Variants in CSMD1 observed in about 807,000 individuals in gnomAD.
The protein encoded by CSMD1 is CUB and sushi domain-containing protein 1.
CSMD1 carries 213 observed loss-of-function variants against 417.5 expected under a neutral mutation model. The ratio of observed to expected loss-of-function variants is 0.51; its 90% confidence interval spans 0.46 to 0.57. The LOEUF (loss-of-function observed/expected upper bound fraction) is 0.57. CSMD1 is among the 20% of genes least tolerant of loss of function. The pLI is 0.00. For missense variants in CSMD1, 6,923 were observed against 4,529.7 expected (o/e 1.53, Z -15.17); for synonymous variants, 2,862 against 1,736.8 (o/e 1.65, Z -16.11).
intron 2 of CSMD1, among the ~76,000 whole-genome samples, chr8:4,600,519 T>A (rs1247465825): frequency 6.6e-6 from 1 of 152,238 alleles, no homozygotes; most frequent in Non-Finnish European, 1.5e-5. Flanking sequence ...TCTGTTTTTG[T>A]ATGAAAATTA....
chr8:3,537,074 G>C (rs1404168893), intron 10 of CSMD1, among the ~76,000 whole-genome samples: 1 of 151,996 alleles, frequency 6.6e-6, no homozygotes, highest in Non-Finnish European at 1.5e-5. Flanking sequence ...CACTATCTCA[G>C]CTCACTGCCA....
At chr8:4,011,001 G>A (rs77646001) in intron 4 of CSMD1, among the ~76,000 whole-genome samples, 7 of 152,146 alleles carry the variant, frequency 4.6e-5, no homozygotes, top group African/African-American at 1.7e-4. Flanking sequence ...CTTTCTGGGG[G>A]ATGACTGTTT....
chr8:4,462,092 C>G (rs1197427477), intron 2 of CSMD1, among the ~76,000 whole-genome samples: 1 of 151,186 alleles, frequency 6.6e-6, no homozygotes, highest in Non-Finnish European at 1.5e-5. Context: ...ACAGGCTGGT[C>G]TCAAACTCCT....
chr8:4,537,452 A>G lies in CSMD1; in HGVS notation c.302+99890T>C, dbSNP rs574606641. Among the ~76,000 whole-genome samples the G allele has an allele frequency of 2.0e-5, 3 of 152,320 alleles. No individual in the cohort carries two copies. The East Asian group carries it at 5.8e-4, about 29-fold the overall frequency. On this transcript the variant is annotated intron_variant, in intron 2 of 69. Coordinates refer to ENST00000635120, the MANE Select transcript of CSMD1 (RefSeq NM_033225.6). ...ATTATTGTTATTGTTATTAAAAGTC[A>G]TATTACTAATTGCTATAAGGCTAAT...
chr8:3,737,762 A>G (rs1162689349), intron 6 of CSMD1, among the ~76,000 whole-genome samples: 2 of 152,214 alleles, frequency 1.3e-5, no homozygotes, highest in African/African-American at 4.8e-5. Context: ...CATTCATTTA[A>G]GCTCCCATGA....
chr8:3,804,648 T>A (rs1435401315), intron 5 of CSMD1, among the ~76,000 whole-genome samples: 1 of 152,098 alleles, frequency 6.6e-6, no homozygotes, highest in African/African-American at 2.4e-5. Context: ...CACACATAAT[T>A]CAAAATAGAA....
intron 49 of CSMD1, among the ~76,000 whole-genome samples, chr8:3,057,961 C>T (rs1396851286): frequency 6.6e-6 from 1 of 152,168 alleles, no homozygotes; most frequent in Non-Finnish European, 1.5e-5. Flanking sequence ...AACTTTCCAC[C>T]GCCTGGCCAG....
intron 3 of CSMD1, among the ~76,000 whole-genome samples, chr8:4,360,963 C>G (rs1475558019): frequency 1.3e-5 from 2 of 152,134 alleles, no homozygotes; most frequent in African/African-American, 4.8e-5. Context: ...TTGAGGAATA[C>G]TTGACTGACA....
chr8:3,302,811 G>T (rs999877281), intron 25 of CSMD1, among the ~76,000 whole-genome samples: 1 of 152,190 alleles, frequency 6.6e-6, no homozygotes, highest in Non-Finnish European at 1.5e-5. Flanking sequence ...CAGCTGAAAT[G>T]TGAGTGGTAT....
rs906741105 is a variant in CSMD1 at position 3,254,691 on chromosome 8, T to G, written c.4154-24460A>C. On this transcript the variant is annotated intron_variant, in intron 26 of 69. Coordinates refer to ENST00000635120, the MANE Select transcript of CSMD1 (RefSeq NM_033225.6). ...CTATTGAGACTTGTGCATTTGTCACTTAGTTCTCGAGCCTTGGTTTTCAGC... is the reference window on the plus strand; with the variant it reads ...CTATTGAGACTTGTGCATTTGTCACGTAGTTCTCGAGCCTTGGTTTTCAGC... 7.2e-5 allele frequency among the ~76,000 whole-genome samples: 11 copies of G among 152,354 alleles called. No individual in the cohort carries two copies. In the East Asian group the frequency reaches 2.1e-3, roughly 29 times the overall value.
intron 2 of CSMD1, among the ~76,000 whole-genome samples, chr8:4,446,958 C>T (rs184976251): frequency 6.6e-6 from 1 of 151,490 alleles, no homozygotes; most frequent in African/African-American, 2.4e-5. Context: ...AAACATTGGC[C>T]CTACAAAAAC....
At chr8:3,485,088 T>C (rs1286577381) in intron 11 of CSMD1, among the ~76,000 whole-genome samples, 2 of 152,232 alleles carry the variant, frequency 1.3e-5, no homozygotes, top group Admixed American at 6.5e-5. Flanking sequence ...TAAAAACTCA[T>C]GTTTACATAA....
At chr8:4,026,583 G>T (rs1797076644) in intron 4 of CSMD1, among the ~76,000 whole-genome samples, 1 of 152,288 alleles carries the variant, frequency 6.6e-6, no homozygotes, top group Non-Finnish European at 1.5e-5. Flanking sequence ...ATGTCACAAG[G>T]AACTAAGGAC....
chr8:3,713,641 G>C (rs1220403898), intron 6 of CSMD1, among the ~76,000 whole-genome samples: 1 of 152,158 alleles, frequency 6.6e-6, no homozygotes, highest in Non-Finnish European at 1.5e-5. Flanking sequence ...ATGACTCACT[G>C]TCTGAAAGAA....
At chr8:3,591,551 T>A (rs1031072135) in intron 8 of CSMD1, among the ~76,000 whole-genome samples, 1 of 152,188 alleles carries the variant, frequency 6.6e-6, no homozygotes, top group African/African-American at 2.4e-5. Context: ...GGAAATGGGT[T>A]GACTTAGCTG....
intron 20 of CSMD1, among the ~76,000 whole-genome samples, chr8:3,359,595 A>AG (rs1025178643): frequency 6.6e-6 from 1 of 151,610 alleles, no homozygotes; most frequent in Non-Finnish European, 1.5e-5. Flanking sequence ...GAGGCTGGGA[A>AG]GGGGGTGTAT....
At chr8:4,216,102 C>T (rs1307649402) in intron 3 of CSMD1, among the ~76,000 whole-genome samples, 4 of 152,132 alleles carry the variant, frequency 2.6e-5, no homozygotes, top group African/African-American at 4.8e-5. Flanking sequence ...GCATGCAGTC[C>T]TCTTCTCAAT....
At chr8:3,309,905 G>A (rs1177129566) in intron 23 of CSMD1, among the ~76,000 whole-genome samples, 1 of 152,178 alleles carries the variant, frequency 6.6e-6, no homozygotes, top group African/African-American at 2.4e-5. Flanking sequence ...TTTGCACTCA[G>A]TGACTAAGAA....
intron 3 of CSMD1, among the ~76,000 whole-genome samples, chr8:4,056,901 T>G (rs1022534392): frequency 2.0e-5 from 3 of 152,092 alleles, no homozygotes; most frequent in African/African-American, 7.2e-5. Flanking sequence ...TTCCATAGAG[T>G]ATATGTGCCA....
Sources: gnomAD v4.1 joint callset for allele counts (sites outside exome capture counted in the v4.1 genomes callset) on GRCh38, gnomAD v4.1.1 for gene constraint, MANE v1.5 for transcripts, NCBI Gene and HGNC (gene_info 2026-07-23, HGNC 2026-07-21) for gene names.